Variants in POU6F2 observed in about 807,000 individuals in gnomAD.
The protein encoded by POU6F2 is POU domain, class 6, transcription factor 2.
In POU6F2, 31 loss-of-function variants were observed where a neutral mutation model predicts 71.3. The observed-to-expected ratio is 0.43, with a 90% confidence interval of 0.33 to 0.59. The LOEUF is 0.59. POU6F2 is among the 20% of genes least tolerant of loss of function. POU6F2 has a pLI of 0.04. For missense variants in POU6F2, 783 were observed against 856.8 expected (o/e 0.91, Z 1.07); for synonymous variants, 347 against 355.7 (o/e 0.98, Z 0.27).
At chr7:39,184,129 C>G (rs950538102) in intron 2 of POU6F2, among the ~76,000 whole-genome samples, 1 of 152,156 alleles carries the variant, frequency 6.6e-6, no homozygotes, top group Non-Finnish European at 1.5e-5. Context: ...TGGGAAAGGA[C>G]AAGCTGGTCC....
At chr7:39,359,940 G>A (rs2299135) in intron 5 of POU6F2, among the ~76,000 whole-genome samples, 84,965 of 151,948 alleles carry the variant, frequency 0.56, 23,991 homozygotes, top group East Asian at 0.75. Context: ...AGAAAATGAG[G>A]TTGTTGGCAA....
At chr7:39,078,193 T>C (rs1791036703) in intron 1 of POU6F2, among the ~76,000 whole-genome samples, 1 of 152,242 alleles carries the variant, frequency 6.6e-6, no homozygotes, top group Admixed American at 6.5e-5. Flanking sequence ...CCAAATAGTT[T>C]ACTTGACTTG....
chr7:39,342,103 G>A (rs555432858), intron 5 of POU6F2, among the ~76,000 whole-genome samples: 273 of 152,252 alleles, frequency 1.8e-3, no homozygotes, highest in African/African-American at 6.2e-3. Context: ...TAGAGGAGCT[G>A]TTACTCTAAC....
rs1005030993 is a variant in POU6F2 at position 39,152,358 on chromosome 7, T to G, written c.278-51877T>G. On this transcript the variant is annotated intron_variant, in intron 2 of 9. Coordinates refer to ENST00000518318, the MANE Select transcript of POU6F2 (RefSeq NM_001370959.1). ...ATTTTACTGGGCTGGAAAAAACCTTTCTGTCCCCAAAGGTTCCTGCTTCTC... is the reference window on the plus strand; with the variant it reads ...ATTTTACTGGGCTGGAAAAAACCTTGCTGTCCCCAAAGGTTCCTGCTTCTC... Among the ~76,000 whole-genome samples, 7 of 152,102 alleles carry G rather than the reference T, an allele frequency of 4.6e-5. No homozygotes were observed. In the East Asian group the frequency reaches 1.3e-3, roughly 29 times the overall value.
chr7:39,195,018 C>T (rs376807615), intron 2 of POU6F2, among the ~76,000 whole-genome samples: 3 of 152,150 alleles, frequency 2.0e-5, no homozygotes, highest in African/African-American at 4.8e-5. Flanking sequence ...CGAGGGTCCG[C>T]GGTTTCATTC....
At chr7:39,238,535 A>AT (rs1409341127) in intron 4 of POU6F2, among the ~76,000 whole-genome samples, 1 of 152,196 alleles carries the variant, frequency 6.6e-6, no homozygotes, top group Non-Finnish European at 1.5e-5. Context: ...TGTAACAAAG[A>AT]TTATGTGGCT....
chr7:39,399,958 C>G (rs1787261864), intron 5 of POU6F2, among the ~76,000 whole-genome samples: 1 of 152,132 alleles, frequency 6.6e-6, no homozygotes, highest in South Asian at 2.1e-4. Flanking sequence ...GGTGTACCAC[C>G]CTCCCAGCCC....
At chr7:39,212,609 C>G (rs1471827091) in intron 4 of POU6F2, among the ~76,000 whole-genome samples, 1 of 152,130 alleles carries the variant, frequency 6.6e-6, no homozygotes, top group East Asian at 1.9e-4. Context: ...GTCCTTTATC[C>G]CATGTTTATT....
chr7:39,148,378 T>G (rs1792665101), intron 2 of POU6F2, among the ~76,000 whole-genome samples: 1 of 152,178 alleles, frequency 6.6e-6, no homozygotes, highest in South Asian at 2.1e-4. Context: ...AGTCCCACAT[T>G]TTTCTTCTGA....
At chr7:39,418,204 A>T (rs1306044587) in intron 6 of POU6F2, among the ~76,000 whole-genome samples, 1 of 152,230 alleles carries the variant, frequency 6.6e-6, no homozygotes, top group East Asian at 1.9e-4. Context: ...GCTAGAACCA[A>T]ATGGCTAGAA....
intron 8 of POU6F2, among the ~76,000 whole-genome samples, chr7:39,455,411 C>T (rs1056478445): frequency 4.6e-5 from 7 of 152,196 alleles, no homozygotes; most frequent in African/African-American, 1.7e-4. Flanking sequence ...AAAGAGGTCA[C>T]CATATTGCAA....
chr7:39,444,185 T>C (rs1440744924), intron 7 of POU6F2, among the ~76,000 whole-genome samples: 1 of 133,428 alleles, frequency 7.5e-6, no homozygotes. Context: ...ATGTAAACAG[T>C]ATTTTTTTAA....
chr7:39,093,280 A>G (rs1307669992), intron 2 of POU6F2, among the ~76,000 whole-genome samples: 3 of 152,136 alleles, frequency 2.0e-5, no homozygotes, highest in African/African-American at 7.2e-5. Flanking sequence ...AAACTAAGTA[A>G]TATAATTATA....
intron 5 of POU6F2, among the ~76,000 whole-genome samples, chr7:39,366,382 A>C (rs1280010566): frequency 6.6e-6 from 1 of 152,024 alleles, no homozygotes; most frequent in Non-Finnish European, 1.5e-5. Flanking sequence ...ATGCACACAC[A>C]CTCTTCCCCC....
rs1562670585 is a variant in POU6F2 at position 39,015,815 on chromosome 7, TATATATTATATATAGATATATA to T, written c.105+37780_105+37801del. Among the ~76,000 whole-genome samples the T allele has an allele frequency of 2.1e-3, 143 of 69,376 alleles. 2 individuals are homozygous for T. The highest frequency in any genetic ancestry group is 6.9e-3 in the African/African-American group (134 of 19,444). The allele number at this position is 69,376 out of a possible 152,430, so 45.5% of individuals were successfully genotyped here. Reference sequence around the variant, plus strand: ...TATATATAGATATATATTATATAGGTATATATTATATATAGATATATAATATATTATATATAGATATATATAA... The same window carrying T: ...TATATATAGATATATATTATATAGGTATATATTATATATAGATATATATAA... On this transcript the variant is annotated intron_variant, in intron 1 of 9. Transcript: ENST00000518318.
At chr7:39,280,287 C>G (rs543375892) in intron 4 of POU6F2, among the ~76,000 whole-genome samples, 1 of 152,132 alleles carries the variant, frequency 6.6e-6, no homozygotes, top group Admixed American at 6.5e-5. Flanking sequence ...AGATGGCTTG[C>G]CCACTCCACT....
chr7:39,316,402 C>T (rs149337609), intron 4 of POU6F2, among the ~76,000 whole-genome samples: 175 of 152,216 alleles, frequency 1.1e-3, no homozygotes, highest in Non-Finnish European at 2.2e-3. Flanking sequence ...GACCCACATG[C>T]GAATACCTGA....
chr7:39,346,497 G>C (rs1023950094), intron 5 of POU6F2, among the ~76,000 whole-genome samples: 8 of 152,226 alleles, frequency 5.3e-5, no homozygotes, highest in African/African-American at 1.9e-4. Flanking sequence ...AGTGGGGGTA[G>C]AGCAATGGTC....
At chr7:39,287,795 A>C (rs1167966509) in intron 4 of POU6F2, among the ~76,000 whole-genome samples, 6 of 152,218 alleles carry the variant, frequency 3.9e-5, no homozygotes, top group Non-Finnish European at 8.8e-5. Flanking sequence ...AAGACCCACT[A>C]AATCAGAGCC....
Sources: allele counts gnomAD v4.1 joint callset (sites outside exome capture counted in the v4.1 genomes callset), GRCh38; gene constraint gnomAD v4.1.1; transcripts MANE v1.5; gene names NCBI Gene and HGNC (gene_info 2026-07-23, HGNC 2026-07-21).